Variants in MTHFD1L observed in about 807,000 individuals in gnomAD.
The protein encoded by MTHFD1L is monofunctional C1-tetrahydrofolate synthase, mitochondrial.
MTHFD1L carries 81 observed loss-of-function variants against 119.5 expected under a neutral mutation model. That is an observed-to-expected ratio of 0.68 (90% CI 0.57 to 0.82). The LOEUF (loss-of-function observed/expected upper bound fraction) is 0.82, where lower values mean the gene tolerates loss of function less well. MTHFD1L is among the 40% of genes least tolerant of loss of function. MTHFD1L has a pLI of 0.00. For synonymous variants in MTHFD1L, 430 were observed against 475.2 expected (o/e 0.90, Z 1.24); for missense variants, 1,125 against 1,253.4 (o/e 0.90, Z 1.55).
intron 26 of MTHFD1L, among the ~76,000 whole-genome samples, chr6:151,071,567 G>T (rs4869980): frequency 6.6e-6 from 1 of 151,622 alleles, no homozygotes; most frequent in African/African-American, 2.4e-5. Context: ...GTTGAACTTC[G>T]CATGGTTCTG....
At chr6:150,994,064 T>TAAAAAAAAAAAA (rs746589557) in intron 20 of MTHFD1L, among the ~76,000 whole-genome samples, 8 of 74,178 alleles carry the variant, frequency 1.1e-4, no homozygotes, top group African/African-American at 2.3e-4. Flanking sequence ...ACAACAACAG[T>TAAAAAAAAAAAA]AAAAAAAAAA....
chr6:150,938,766 G>A lies in MTHFD1L; in HGVS notation c.1440+21G>A, dbSNP rs55641827. The A allele has an allele frequency of 3.5e-4, 559 of 1,596,362 alleles. 1 individual carries two copies. The African/African-American group carries it at 6.1e-3, about 17-fold the overall frequency. ...AGGAGGTAAGACCTTGAAGAGATGC[G>A]GGTCAGCTATCACTGTGTTTCCTTC... On this transcript the variant is annotated intron_variant, in intron 13 of 27. Coordinates refer to ENST00000367321, the MANE Select transcript of MTHFD1L (RefSeq NM_015440.5).
At chr6:151,094,687 G>A (rs532188934) in intron 27 of MTHFD1L, among the ~76,000 whole-genome samples, 133 of 152,036 alleles carry the variant, frequency 8.7e-4, no homozygotes, top group Non-Finnish European at 1.6e-3. Context: ...GGGATTACAG[G>A]CGTCCACCAC....
intron 5 of MTHFD1L, among the ~76,000 whole-genome samples, chr6:150,883,992 G>A (rs911346727): frequency 1.3e-5 from 2 of 152,052 alleles, no homozygotes; most frequent in Non-Finnish European, 2.9e-5. Flanking sequence ...CCAAACACAG[G>A]CTGAAAAGGT....
intron 16 of MTHFD1L, among the ~76,000 whole-genome samples, chr6:150,950,082 A>G (rs566331180): frequency 7.9e-5 from 12 of 152,194 alleles, no homozygotes; most frequent in Non-Finnish European, 1.5e-4. Context: ...CTAATAGATT[A>G]TCTTGCTTCC....
At chr6:150,959,095 T>G in intron 17 of MTHFD1L, 2 of 740,126 alleles carry the variant, frequency 2.7e-6, no homozygotes, top group Non-Finnish European at 3.3e-6. Flanking sequence ...AAAGACCACT[T>G]ATGTTTGGAA....
chr6:151,092,443 G>A (rs752062710), intron 26 of MTHFD1L, 24 bp from the exon 27 acceptor site: 4 of 1,592,122 alleles, frequency 2.5e-6, no homozygotes, highest in South Asian at 2.3e-5. Context: ...TTGCTAATCT[G>A]TAACGCTTGG....
At chr6:150,962,209 C>T (rs1369957622) in intron 18 of MTHFD1L, among the ~76,000 whole-genome samples, 6 of 152,004 alleles carry the variant, frequency 3.9e-5, no homozygotes, top group Admixed American at 2.6e-4. Context: ...AGGCTGGTCT[C>T]GAACTCCTCA....
rs138551030 is a variant in MTHFD1L at position 150,870,859 on chromosome 6, C to T, written c.227+4810C>T. 1.6e-3 allele frequency among the ~76,000 whole-genome samples: 247 copies of T among 150,450 alleles called. 2 individuals are homozygous for T. The highest frequency in any genetic ancestry group is 5.7e-3 in the African/African-American group (233 of 41,046). Reference sequence around the variant, plus strand: ...CCGGGAGGTGGAGGTTGTGGGGAGGCGGAGGTTGTGGTAAGCCACTACACT... The same window carrying T: ...CCGGGAGGTGGAGGTTGTGGGGAGGTGGAGGTTGTGGTAAGCCACTACACT... On this transcript the variant is annotated intron_variant, in intron 1 of 27. Transcript: ENST00000367321.
intron 10 of MTHFD1L, among the ~76,000 whole-genome samples, chr6:150,924,058 T>C (rs1236661829): frequency 6.6e-6 from 1 of 152,204 alleles, no homozygotes; most frequent in Non-Finnish European, 1.5e-5. Context: ...ATTCTTCTTG[T>C]TAAATAATTA....
intron 7 of MTHFD1L, among the ~76,000 whole-genome samples, chr6:150,889,257 T>A (rs1197573645): frequency 6.6e-6 from 1 of 152,128 alleles, no homozygotes; most frequent in East Asian, 1.9e-4. Flanking sequence ...ATAGGATTAC[T>A]AACCTGCCAC....
chr6:151,049,478 C>G (rs1235885694), intron 26 of MTHFD1L, among the ~76,000 whole-genome samples: 1 of 126,982 alleles, frequency 7.9e-6, no homozygotes, highest in South Asian at 2.6e-4. Flanking sequence ...GGCAAGACAG[C>G]GAGACTCCGT....
chr6:151,080,456 G>A (rs1046726715), intron 26 of MTHFD1L, among the ~76,000 whole-genome samples: 1 of 152,176 alleles, frequency 6.6e-6, no homozygotes, highest in Non-Finnish European at 1.5e-5. Flanking sequence ...TGCCCACCTG[G>A]TCCTTTCATT....
intron 26 of MTHFD1L, among the ~76,000 whole-genome samples, chr6:151,085,936 C>G (rs1256590722): frequency 2.0e-5 from 3 of 152,130 alleles, no homozygotes; most frequent in African/African-American, 7.2e-5. Flanking sequence ...AAGCTCTTAG[C>G]AGGGACTGGG....
At chr6:151,065,903 A>G (rs1032543162) in intron 26 of MTHFD1L, among the ~76,000 whole-genome samples, 2 of 152,190 alleles carry the variant, frequency 1.3e-5, no homozygotes, top group African/African-American at 4.8e-5. Flanking sequence ...TAGAAGAACT[A>G]AATGTCTCAC....
chr6:150,943,779 T>G (rs1793528209), intron 13 of MTHFD1L, among the ~76,000 whole-genome samples: 3 of 152,126 alleles, frequency 2.0e-5, no homozygotes. Flanking sequence ...GATAATCGAG[T>G]GTGCTCATGA....
chr6:151,089,861 C>T (rs151261109), intron 26 of MTHFD1L, among the ~76,000 whole-genome samples: 47 of 152,286 alleles, frequency 3.1e-4, no homozygotes, highest in African/African-American at 7.9e-4. Flanking sequence ...CCTTAACTTC[C>T]GAGGCTGTGA....
At chr6:151,033,118 T>C (rs567164521) in intron 24 of MTHFD1L, among the ~76,000 whole-genome samples, 46 of 151,666 alleles carry the variant, frequency 3.0e-4, no homozygotes, top group Middle Eastern at 3.4e-3. Context: ...ATGCATATGC[T>C]TTCTTTTTTT....
intron 20 of MTHFD1L, among the ~76,000 whole-genome samples, chr6:150,988,840 A>G (rs894622075): frequency 1.1e-4 from 16 of 152,310 alleles, no homozygotes; most frequent in Middle Eastern, 3.4e-3. Flanking sequence ...TCCTGACCTC[A>G]GGTGATCTGC....
Sources: gnomAD v4.1 joint callset for allele counts (sites outside exome capture counted in the v4.1 genomes callset) on GRCh38, gnomAD v4.1.1 for gene constraint, MANE v1.5 for transcripts, NCBI Gene and HGNC (gene_info 2026-07-23, HGNC 2026-07-21) for gene names.